The following SVIL variants were observed in gnomAD, a reference collection of about 807,000 sequenced individuals.
SVIL encodes supervillin.
SVIL carries 101 observed loss-of-function variants against 240.4 expected under a neutral mutation model. That is an observed-to-expected ratio of 0.42 (90% CI 0.36 to 0.50). The LOEUF (loss-of-function observed/expected upper bound fraction) is 0.50. Ranked by LOEUF, SVIL falls within the 20% of genes least tolerant of loss-of-function variation. The probability of loss-of-function intolerance (pLI) is 0.01; values close to 1 mark genes in which losing one functional copy is unlikely to be tolerated. For missense variants in SVIL, 2,512 were observed against 2,818.7 expected (o/e 0.89, Z 2.46); for synonymous variants, 999 against 1,100.0 (o/e 0.91, Z 1.82).
chr10:29,665,540 A>C (rs2133046367), intron 2 of SVIL, among the ~76,000 whole-genome samples: 1 of 152,304 alleles, frequency 6.6e-6, no homozygotes, highest in East Asian at 1.9e-4. Context: ...TCACGTCTGT[A>C]ATCCCAGCAC....
intron 1 of SVIL, among the ~76,000 whole-genome samples, chr10:29,718,575 T>G (rs192199791): frequency 6.6e-6 from 1 of 152,162 alleles, no homozygotes; most frequent in East Asian, 1.9e-4. Flanking sequence ...CGCCCTAGGT[T>G]ATCACCCAGC....
rs368949482 is a variant in SVIL, at chr10:29,709,680, C to T, written c.-399-23029G>A. ...CCAGGGGCGTCACCCCAGTGAGTTT[C>T]GGCAGCACCCTGCAGGTGGTTCCCG... On this transcript the variant is annotated intron_variant, in intron 1 of 35. Transcript: ENST00000375400. 3.9e-5 allele frequency among the ~76,000 whole-genome samples: 6 copies of T among 152,284 alleles called. No individual in the cohort carries two copies. In the South Asian group the frequency reaches 8.3e-4, roughly 21 times the overall value.
intron 24 of SVIL, among the ~76,000 whole-genome samples, chr10:29,486,839 C>G (rs28437940): frequency 0.095 from 14,469 of 152,268 alleles, 871 homozygotes; most frequent in Non-Finnish European, 0.13. Context: ...CCATGACAGT[C>G]TCATTCAACA....
intron 1 of SVIL, among the ~76,000 whole-genome samples, chr10:29,588,676 G>T (rs1223864913): frequency 1.3e-5 from 2 of 152,188 alleles, no homozygotes; most frequent in Non-Finnish European, 2.9e-5. Flanking sequence ...TATGCCAAAC[G>T]GAAAGTGAAG....
chr10:29,680,237 A>T (rs1148206), intron 2 of SVIL, among the ~76,000 whole-genome samples: 73,511 of 151,930 alleles, frequency 0.48, 18,067 homozygotes, highest in East Asian at 0.67. Flanking sequence ...AAACATACAG[A>T]CTGGCACATG....
chr10:29,517,067 T>C lies in SVIL; in HGVS notation c.3390-4206A>G, dbSNP rs549514029. Among the ~76,000 whole-genome samples, 8 of 152,208 alleles carry C rather than the reference T, an allele frequency of 5.3e-5. No homozygotes were observed. The South Asian group carries it at 1.7e-3, about 32-fold the overall frequency. ...TCTTGGTTTTGGCTGGTTCACAAGTTGGAGAAGTGAATGAACTAAAGTGTC... is the reference window on the plus strand; with the variant it reads ...TCTTGGTTTTGGCTGGTTCACAAGTCGGAGAAGTGAATGAACTAAAGTGTC... On this transcript the variant is annotated intron_variant, in intron 16 of 37. Coordinates refer to ENST00000355867, the MANE Select transcript of SVIL (RefSeq NM_021738.3).
At chr10:29,726,107 A>C (rs1352471319) in intron 1 of SVIL, among the ~76,000 whole-genome samples, 1 of 152,012 alleles carries the variant, frequency 6.6e-6, no homozygotes, top group African/African-American at 2.4e-5. Context: ...TTTTTTGTAG[A>C]GATGGGGTCT....
At chr10:29,550,285 T>A (rs1374993063) in intron 6 of SVIL, among the ~76,000 whole-genome samples, 1 of 147,266 alleles carries the variant, frequency 6.8e-6, no homozygotes, top group Admixed American at 6.8e-5. Context: ...AAAAAAAAAA[T>A]GTAAAAATTA....
intron 17 of SVIL, among the ~76,000 whole-genome samples, chr10:29,506,647 C>A (rs1949307469): frequency 6.9e-6 from 1 of 144,586 alleles, no homozygotes; most frequent in African/African-American, 2.7e-5. Flanking sequence ...AGGGAGGGGA[C>A]AGAGGCCCTG....
intron 1 of SVIL, among the ~76,000 whole-genome samples, chr10:29,716,000 A>G (rs1963588492): frequency 6.6e-6 from 1 of 152,256 alleles, no homozygotes; most frequent in African/African-American, 2.4e-5. Context: ...ATGTTCCATT[A>G]AACATTAATG....
At chr10:29,533,955 T>C (rs1233560191) in intron 7 of SVIL, among the ~76,000 whole-genome samples, 1 of 152,236 alleles carries the variant, frequency 6.6e-6, no homozygotes, top group Non-Finnish European at 1.5e-5. Context: ...CGATTATTTA[T>C]GCTTTTTATT....
chr10:29,474,719 T>C (rs1288810246), intron 29 of SVIL, among the ~76,000 whole-genome samples: 11 of 152,158 alleles, frequency 7.2e-5, no homozygotes, highest in African/African-American at 2.7e-4. Context: ...ACACCACTCT[T>C]TGGCAAAAGA....
At position 29,467,800 on chromosome 10, in the gene SVIL, G is replaced by A. The variant is rs750656957; in HGVS notation, c.5919C>T (p.Leu1973=). 5.6e-6 allele frequency: 9 copies of A among 1,614,170 alleles called. No individual in the cohort carries two copies. The highest frequency in any genetic ancestry group is 5.0e-5 in the Admixed American group (3 of 60,016). The change falls in exon 33 of 38, where the codon CTC becomes CTT. Residue 1973 remains leucine, a synonymous_variant. Transcript: ENST00000355867. ...TCCTTCCTAAGGCATCCCAGAATCC[G>A]AGTGGCTCGGAGCCTTCATCACACT... is the stretch of plus-strand genomic sequence containing the variant. ...IHECDEGSEP[L]GFWDALGRRD...
intron 12 of SVIL, among the ~76,000 whole-genome samples, chr10:29,529,170 T>A: frequency 1.2e-5 from 1 of 83,110 alleles, no homozygotes; most frequent in Admixed American, 1.9e-4. Context: ...AGCAAGACTC[T>A]CTCTCAAAAA....
At chr10:29,504,543 A>T (rs1411690609) in intron 17 of SVIL, among the ~76,000 whole-genome samples, 1 of 152,256 alleles carries the variant, frequency 6.6e-6, no homozygotes, top group African/African-American at 2.4e-5. Context: ...CTGAATAGAT[A>T]CCTCACCAAA....
chr10:29,639,010 G>A (rs1370133483), upstream of SVIL, among the ~76,000 whole-genome samples: 2 of 152,138 alleles, frequency 1.3e-5, no homozygotes, highest in Non-Finnish European at 2.9e-5. Flanking sequence ...GCTCAGGCTG[G>A]TCTTGAACTC....
At chr10:29,710,834 C>CA (rs968979792) in intron 1 of SVIL, among the ~76,000 whole-genome samples, 18 of 151,826 alleles carry the variant, frequency 1.2e-4, no homozygotes, top group East Asian at 1.2e-3. Context: ...AAATATATTT[C>CA]AAAAAAAATC....
rs138598311 is a variant in SVIL, at chr10:29,500,740, G to T, written c.3517-1477C>A. Among the ~76,000 whole-genome samples the T allele has an allele frequency of 7.4e-3, 1,123 of 152,202 alleles. 13 individuals are homozygous for T. The highest frequency in any genetic ancestry group is 0.045 in the South Asian group (216 of 4,818). On this transcript the variant is annotated intron_variant, in intron 17 of 37. Coordinates refer to ENST00000355867, the MANE Select transcript of SVIL (RefSeq NM_021738.3). ...CTCCATGGATCAATGTGATCCTAAGGCCTCGCGCTGACACAGGGAAGGACT... is the reference window on the plus strand; with the variant it reads ...CTCCATGGATCAATGTGATCCTAAGTCCTCGCGCTGACACAGGGAAGGACT...
At chr10:29,660,275 C>T (rs969130083) in intron 2 of SVIL, among the ~76,000 whole-genome samples, 12 of 152,080 alleles carry the variant, frequency 7.9e-5, no homozygotes, top group Admixed American at 7.2e-4. Context: ...TACCACTGCG[C>T]TCCAGCTCGG....
Sources: allele counts gnomAD v4.1 joint callset (sites outside exome capture counted in the v4.1 genomes callset), GRCh38; gene constraint gnomAD v4.1.1; transcripts MANE v1.5; gene names NCBI Gene and HGNC (gene_info 2026-07-23, HGNC 2026-07-21).